The following NINJ2 variants were observed in gnomAD, a reference collection of about 807,000 sequenced individuals.
The protein encoded by NINJ2 is ninjurin-2.
A neutral mutation model predicts 11.7 loss-of-function variants in NINJ2; 12 were observed. That is an observed-to-expected ratio of 1.02 (90% CI 0.66 to 1.66). The LOEUF is 1.66. NINJ2 is among the 40% of genes most tolerant of loss of function. The pLI, the probability that NINJ2 is intolerant of heterozygous loss-of-function variation, is 0.00. For synonymous variants in NINJ2, 93 were observed against 76.8 expected, an observed-to-expected ratio of 1.21 and a Z score of -1.10; for missense variants, 187 against 181.8, an observed-to-expected ratio of 1.03 and a Z score of -0.16.
At chr12:565,917 G>A (rs1283466437) in intron 2 of NINJ2, 33 bp downstream of exon 2, 1 of 1,594,638 alleles carries the variant, frequency 6.3e-7, no homozygotes, top group Admixed American at 1.7e-5. Context: ...GGGTGCCGAG[G>A]CAGAAGGTCT....
At chr12:596,922 C>CAA (rs1335774029) in intron 1 of NINJ2, among the ~76,000 whole-genome samples, 2 of 119,322 alleles carry the variant, frequency 1.7e-5, no homozygotes, top group East Asian at 2.5e-4. Context: ...GACCCTGTCT[C>CAA]AAAAAAAAAA....
chr12:609,769 T>TTAAAAAAAAAAAA (rs1948002024), intron 1 of NINJ2, among the ~76,000 whole-genome samples: 1 of 41,638 alleles, frequency 2.4e-5, no homozygotes, highest in African/African-American at 1.1e-4. Context: ...AGACTCTGCC[T>TTAAAAAAAAAAAA]CAAAAAAAAA....
At chr12:644,569 C>G (rs964755007) in intron 1 of NINJ2, 1 of 152,200 alleles carries the variant, frequency 6.6e-6, no homozygotes, top group African/African-American at 2.4e-5. Flanking sequence ...TTACAGAAAG[C>G]CTGGCATACA....
At chr12:636,521 A>C (rs762542232) in intron 1 of NINJ2, among the ~76,000 whole-genome samples, 1 of 152,136 alleles carries the variant, frequency 6.6e-6, no homozygotes, top group Non-Finnish European at 1.5e-5. Flanking sequence ...AACTCCTACA[A>C]CTTAACAGCG....
chr12:598,726 ATCTT>A (rs1278118604), intron 1 of NINJ2, among the ~76,000 whole-genome samples: 2 of 151,872 alleles, frequency 1.3e-5, no homozygotes, highest in African/African-American at 2.4e-5. Flanking sequence ...TTGAGACAGG[ATCTT>A]TCTTTGTCAT....
chr12:584,250 C>T (rs867951156), intron 1 of NINJ2, among the ~76,000 whole-genome samples: 3 of 152,198 alleles, frequency 2.0e-5, no homozygotes, highest in African/African-American at 7.2e-5. Flanking sequence ...GGGAGAGAAT[C>T]GTTTCCTGGC....
intron 1 of NINJ2, among the ~76,000 whole-genome samples, chr12:573,994 G>C (rs1201504481): frequency 7.2e-5 from 11 of 152,200 alleles, no homozygotes; most frequent in African/African-American, 2.7e-4. Flanking sequence ...AGCAGTTTGG[G>C]AGGCGGATCA....
intron 1 of NINJ2, among the ~76,000 whole-genome samples, chr12:601,184 A>G (rs1202585898): frequency 5.9e-5 from 9 of 152,202 alleles, no homozygotes; most frequent in Admixed American, 5.9e-4. Flanking sequence ...AATGCATGTA[A>G]CTAGGTAGCT....
At chr12:616,278 T>C (rs1378524117) in intron 1 of NINJ2, among the ~76,000 whole-genome samples, 2 of 152,202 alleles carry the variant, frequency 1.3e-5, no homozygotes, top group East Asian at 1.9e-4. Context: ...GACCTTACCA[T>C]TGGGATAAAC....
intron 1 of NINJ2, chr12:610,617 C>G: frequency 1.0e-6 from 1 of 985,254 alleles, no homozygotes; most frequent in Non-Finnish European, 1.2e-6. Flanking sequence ...GAGGGGGTTA[C>G]CAGGCAGGGA....
rs1454164054 is a variant in NINJ2, at chr12:601,519, G to A, written c.34-35341C>T. Among the ~76,000 whole-genome samples, 5 of 150,992 alleles carry A rather than the reference G, an allele frequency of 3.3e-5. No homozygotes were observed. In the East Asian group the frequency reaches 7.8e-4, roughly 24 times the overall value. The stretch of plus-strand genomic sequence containing the variant: ...GCCAAGATCAGGCCACTGCACTCCA[G>A]CCTGGGCCACAGAAGCAAGACTCCG... On this transcript the variant is annotated intron_variant, in intron 1 of 3. Transcript: ENST00000305108.
At chr12:625,145 T>C (rs1046274707) in intron 1 of NINJ2, among the ~76,000 whole-genome samples, 1 of 150,644 alleles carries the variant, frequency 6.6e-6, no homozygotes, top group Non-Finnish European at 1.5e-5. Context: ...TATATAGATA[T>C]ATTTGCCCTA....
intron 1 of NINJ2, among the ~76,000 whole-genome samples, chr12:599,787 G>C (rs1947842695): frequency 6.6e-6 from 1 of 152,162 alleles, no homozygotes; most frequent in Admixed American, 6.5e-5. Context: ...CCTCAGCTTG[G>C]TTGGACCTGC....
chr12:595,943 G>A lies in NINJ2; in HGVS notation c.34-29765C>T, dbSNP rs376993700. Among the ~76,000 whole-genome samples the A allele has an allele frequency of 1.6e-3, 251 of 152,258 alleles. 2 individuals carry two copies. Among genetic ancestry groups the A allele is most frequent in the Non-Finnish European group, 2.9e-3 (194 of 68,014 alleles). ...ATATAAAAAGATGTCCACATGATACGTCATCAGGAAAGTGCATATTAAAAC... is the reference window on the plus strand; with the variant it reads ...ATATAAAAAGATGTCCACATGATACATCATCAGGAAAGTGCATATTAAAAC... On this transcript the variant is annotated intron_variant, in intron 1 of 3. Coordinates refer to ENST00000305108, the MANE Select transcript of NINJ2 (RefSeq NM_016533.6).
intron 1 of NINJ2, among the ~76,000 whole-genome samples, chr12:568,722 G>A (rs958757926): frequency 1.4e-4 from 21 of 152,216 alleles, no homozygotes; most frequent in Admixed American, 8.5e-4. Context: ...ACTTCTGGAC[G>A]GGGCAGGACT....
At chr12:569,173 G>A (rs533694022) in intron 1 of NINJ2, among the ~76,000 whole-genome samples, 14 of 152,322 alleles carry the variant, frequency 9.2e-5, no homozygotes, top group South Asian at 6.2e-4. Context: ...CACACACGGC[G>A]TTCAGGGCCT....
chr12:628,907 C>T lies in NINJ2; in HGVS notation c.33+34421G>A, dbSNP rs912326877. Among the ~76,000 whole-genome samples the T allele has an allele frequency of 3.3e-5, 5 of 152,192 alleles. No individual in the cohort carries two copies. Among genetic ancestry groups the T allele is most frequent in the Non-Finnish European group, 7.3e-5 (5 of 68,036 alleles). On this transcript the variant is annotated intron_variant, in intron 1 of 3. Coordinates refer to ENST00000305108, the MANE Select transcript of NINJ2 (RefSeq NM_016533.6). This position sits in a 1 kb window ranked among gnomAD's most constrained non-coding sequence, Gnocchi z 4.4. Reference sequence around the variant, plus strand: ...ATGGTCTAAAAGAAGGAGGAGTCCTCAACTGGGGGAGGGGGAAAATCTCCA... The same window carrying T: ...ATGGTCTAAAAGAAGGAGGAGTCCTTAACTGGGGGAGGGGGAAAATCTCCA...
intron 1 of NINJ2, among the ~76,000 whole-genome samples, chr12:575,199 G>A (rs962883216): frequency 6.6e-6 from 1 of 152,176 alleles, no homozygotes; most frequent in African/African-American, 2.4e-5. Context: ...TGCAGGAAGG[G>A]AAACACTCAC....
intron 1 of NINJ2, chr12:642,574 A>C (rs1409944357): frequency 6.6e-6 from 1 of 152,302 alleles, no homozygotes; most frequent in Admixed American, 6.5e-5. Context: ...ACTCAGCAGA[A>C]ATCAAGGACT....
Sources: gnomAD v4.1 joint callset for allele counts (sites outside exome capture counted in the v4.1 genomes callset) on GRCh38, gnomAD v4.1.1 for gene constraint, Gnocchi (gnomAD v3.1) non-coding constraint, MANE v1.5 for transcripts, NCBI Gene and HGNC (gene_info 2026-07-23, HGNC 2026-07-21) for gene names.